LRP2: variants seen among roughly 807,000 people sequenced by gnomAD.
The protein encoded by LRP2 is low-density lipoprotein receptor-related protein 2.
Under a neutral mutation model 531.0 loss-of-function variants are expected in LRP2, and 172 were observed. The ratio of observed to expected loss-of-function variants is 0.32; its 90% confidence interval spans 0.29 to 0.37. LRP2 has a LOEUF of 0.37. Among genes scored for constraint, LRP2 ranks in the 10% least tolerant of loss-of-function variants. The pLI is 1.00. For missense variants in LRP2, 5,167 were observed against 5,868.3 expected, an observed-to-expected ratio of 0.88 and a Z score of 3.90; for synonymous variants, 1,992 against 2,027.6, an observed-to-expected ratio of 0.98 and a Z score of 0.47.
chr2:169,259,067 T>C lies in LRP2; in HGVS notation c.2471A>G (p.Tyr824Cys). 5 of 1,613,364 alleles carry C rather than the reference T, an allele frequency of 3.1e-6. No individual in the cohort carries two copies. Among genetic ancestry groups the C allele is most frequent in the Non-Finnish European group, 4.2e-6 (5 of 1,179,624 alleles). ...ADKTRRTVVQYLNNPRSVVVH... is the reference protein window; with the variant it reads ...ADKTRRTVVQCLNNPRSVVVH... ...TACCACCGACCGTGGGTTATTTAAATACTGAACTACTGTGCGTCTCGTTTT... is the reference window on the plus strand; with the variant it reads ...TACCACCGACCGTGGGTTATTTAAACACTGAACTACTGTGCGTCTCGTTTT... Residue 824 changes from tyrosine to cysteine, a missense_variant, in exon 17 of 79, where the codon TAT becomes TGT. Coordinates refer to ENST00000649046, the MANE Select transcript of LRP2 (RefSeq NM_004525.3).
In LRP2 at chr2:169,194,044, T is replaced by C. The variant is rs75505505; in HGVS notation, c.8699-152A>G. The C allele has an allele frequency of 9.3e-4, 760 of 820,774 alleles. 2 individuals carry two copies. The African/African-American group carries it at 0.012, about 13-fold the overall frequency. 50.8% of individuals were successfully genotyped at this position (820,774 alleles called of 1,614,324 possible). ...TAGGGTAGTCCTCCAATAAGACTAG[T>C]ACCAGCGACCAACAGTTTGAGGTAA... is the stretch of plus-strand genomic sequence containing the variant. On this transcript the variant is annotated intron_variant, in intron 46 of 78. Coordinates refer to ENST00000649046, the MANE Select transcript of LRP2 (RefSeq NM_004525.3).
chr2:169,201,216 A>G (rs1213229289), intron 44 of LRP2, among the ~76,000 whole-genome samples: 1 of 152,240 alleles, frequency 6.6e-6, no homozygotes, highest in Non-Finnish European at 1.5e-5. Flanking sequence ...AAGAATTATA[A>G]CAATCAAAAT....
In LRP2 at chr2:169,241,195, T is replaced by C; in HGVS notation, c.3838A>G (p.Asn1280Asp). 1.9e-6 allele frequency: 3 copies of C among 1,614,200 alleles called. No individual in the cohort carries two copies. The highest frequency in any genetic ancestry group is 2.5e-6 in the Non-Finnish European group (3 of 1,180,036). Reference sequence around the variant, plus strand: ...CATGCCCTGTGGATGCAGTTTCCGTTGTCACAGTGGAAATATGATGAAGGG... The same window carrying C: ...CATGCCCTGTGGATGCAGTTTCCGTCGTCACAGTGGAAATATGATGAAGGG... ...TCPSSYFHCD[N>D]GNCIHRAWLC... Residue 1280 changes from asparagine to aspartate, a missense_variant, in exon 25 of 79, where the codon AAC (asparagine) becomes GAC (aspartate). Physicochemically the swap from Asn to Asp is conservative, Grantham distance 23. Coordinates refer to ENST00000649046, the MANE Select transcript of LRP2 (RefSeq NM_004525.3).
chr2:169,142,870 T>C, intron 70 of LRP2, 77 bp from the exon 71 acceptor site: 1 of 1,562,728 alleles, frequency 6.4e-7, no homozygotes. Context: ...GAAGTGGCTC[T>C]GCCAGGTGAC....
Position 169,271,066 on chromosome 2 carries a change from G to T in LRP2, c.2158C>A (p.Arg720Ser), listed in dbSNP as rs1194431241. Residue 720 changes from arginine (R) to serine (S), a missense_variant, in exon 16 of 79, where the codon CGT becomes AGT. By Grantham distance (110) the Arg-to-Ser change is moderately radical. Around this residue, in one of 6 missense-constraint regions of LRP2, gnomAD observed 2,811 missense variants for 3,058.0 expected, o/e 0.92. Transcript: ENST00000649046. ...FLIFSSQVAIRGIPFTLSTQE... is the reference protein window; with the variant it reads ...FLIFSSQVAISGIPFTLSTQE... Reference sequence around the variant, plus strand: ...GTAGACAAGGTGAACGGGATCCCACGAATAGCAACTTGGGATGAAAAAATG... The same window carrying T: ...GTAGACAAGGTGAACGGGATCCCACTAATAGCAACTTGGGATGAAAAAATG... 6.2e-7 allele frequency: 1 copy of T among 1,612,904 alleles called. No homozygotes were observed. Among genetic ancestry groups the T allele is most frequent in the Admixed American group, 1.7e-5 (1 of 59,830 alleles).
At chr2:169,142,332 T>G (rs78691884) in intron 71 of LRP2, among the ~76,000 whole-genome samples, 22 of 152,294 alleles carry the variant, frequency 1.4e-4, no homozygotes, top group Non-Finnish European at 2.8e-4. Context: ...ACAATTAAGG[T>G]TGAGTGGATT....
chr2:169,145,740 TG>T lies in LRP2; in HGVS notation c.12988+6del. ...GAGGAGCATCTTATACCAAAGTTGG[TG>T]ATTACCTGACTTATTGTATCTGAGT... On this transcript the variant is annotated splice_donor_region_variant and intron_variant, in intron 70 of 78. Transcript: ENST00000649046. The T allele has an allele frequency of 6.2e-7, 1 of 1,613,918 alleles. No homozygotes were observed. Among genetic ancestry groups the T allele is most frequent in the South Asian group, 1.1e-5 (1 of 91,076 alleles).
At position 169,193,782 on chromosome 2, in the gene LRP2, C is replaced by T. The variant is rs746934443; in HGVS notation, c.8809G>A (p.Glu2937Lys). 7 of 1,614,182 alleles carry T rather than the reference C, an allele frequency of 4.3e-6. No homozygotes were observed. The highest frequency in any genetic ancestry group is 1.1e-5 in the South Asian group (1 of 91,080). Residue 2937 changes from glutamate (E) to lysine (K), a missense_variant, in exon 47 of 79, where the codon GAG becomes AAG. Physicochemically the swap from Glu to Lys is moderately conservative, Grantham distance 56. Coordinates refer to ENST00000649046, the MANE Select transcript of LRP2 (RefSeq NM_004525.3). The part of the protein sequence containing the change: ...GDNDCGDMSD[E>K]DKRHQCQNQN... ...TTACGACACTGGTGCCTTTTATCCT[C>T]GTCACTCATATCCCCACAGTCATTA...
chr2:169,218,847 T>C (rs1342698838), intron 34 of LRP2, among the ~76,000 whole-genome samples: 2 of 152,198 alleles, frequency 1.3e-5, no homozygotes, highest in Non-Finnish European at 2.9e-5. Flanking sequence ...CTACTGAAGA[T>C]GGCAGAGCAT....
intron 1 of LRP2, among the ~76,000 whole-genome samples, chr2:169,326,614 T>G (rs1310843753): frequency 1.3e-5 from 2 of 152,124 alleles, no homozygotes; most frequent in African/African-American, 4.8e-5. Context: ...AGTGCCGAGA[T>G]TGCAGCCTCT....
chr2:169,269,871 ATATCCAGAATC>A (rs1398301140), intron 16 of LRP2, among the ~76,000 whole-genome samples: 1 of 152,240 alleles, frequency 6.6e-6, no homozygotes, highest in Non-Finnish European at 1.5e-5. Context: ...CAAAGGGCTA[ATATCCAGAATC>A]TACAAAGAAC....
rs777958698 is a variant in LRP2, at chr2:169,145,855, C to T, written c.12880G>A (p.Val4294Ile). The T allele has an allele frequency of 3.1e-6, 5 of 1,613,976 alleles. No individual in the cohort carries two copies. Among genetic ancestry groups the T allele is most frequent in the Non-Finnish European group, 4.2e-6 (5 of 1,179,984 alleles). Residue 4294 changes from valine to isoleucine, a missense_variant, in exon 70 of 79, where the codon GTA becomes ATA. Transcript: ENST00000649046. ...TGCCCAAATTTATTTTGTTTCCATA[C>T]TTCTCCCTTTTCCTTAGATATCCAG... ...LYWISKEKGE[V>I]WKQNKFGQGK... is the part of the protein sequence containing the mutation.
At chr2:169,288,642 C>G (rs2105463875) in intron 9 of LRP2, among the ~76,000 whole-genome samples, 1 of 152,290 alleles carries the variant, frequency 6.6e-6, no homozygotes, top group South Asian at 2.1e-4. Flanking sequence ...GGTAGCGGTG[C>G]TTGCTGGGCT....
chr2:169,291,035 G>C, intron 7 of LRP2, 38 bp from the exon 8 acceptor site: 1 of 1,602,138 alleles, frequency 6.2e-7, no homozygotes, highest in Non-Finnish European at 8.5e-7. Flanking sequence ...GGCCATAGGG[G>C]AGGTACAGCC....
At chr2:169,257,004 T>C (rs771878114) in intron 18 of LRP2, 120 bp downstream of exon 18, 183 of 1,158,186 alleles carry the variant, frequency 1.6e-4, no homozygotes, top group Middle Eastern at 4.8e-4. Flanking sequence ...ATTAATTATT[T>C]AAAATTCCGC....
chr2:169,259,117 A>G lies in LRP2; in HGVS notation c.2421T>C (p.Ser807=), dbSNP rs916603280. Residue 807 remains serine, a synonymous_variant, in exon 17 of 79, where the codon AGT becomes AGC. Transcript: ENST00000649046. Reference sequence around the variant, plus strand: ...TATCAGCTAGCCTCATGACACTGATACTCTTGTAATGAGAGTCTGTCCAAT... The same window carrying G: ...TATCAGCTAGCCTCATGACACTGATGCTCTTGTAATGAGAGTCTGTCCAAT... ...NLYWTDSHYK[S]ISVMRLADKT... is the part of the protein sequence containing the mutation. The G allele has an allele frequency of 1.9e-6, 3 of 1,613,226 alleles. No homozygotes were observed. The highest frequency in any genetic ancestry group is 1.7e-6 in the Non-Finnish European group (2 of 1,179,444).
At chr2:169,304,095 G>A (rs1255491563) in intron 4 of LRP2, among the ~76,000 whole-genome samples, 1 of 152,172 alleles carries the variant, frequency 6.6e-6, no homozygotes, top group Non-Finnish European at 1.5e-5. Flanking sequence ...AGTCTTGGCT[G>A]CAAACATTCT....
intron 34 of LRP2, 55 bp downstream of exon 34, chr2:169,220,399 G>T: frequency 7.7e-7 from 1 of 1,290,694 alleles, no homozygotes; most frequent in South Asian, 1.2e-5. Context: ...GTCAGACCCT[G>T]ACATTAACAA....
chr2:169,221,692 AT>A (rs1234129876), intron 33 of LRP2, among the ~76,000 whole-genome samples: 1 of 148,890 alleles, frequency 6.7e-6, no homozygotes, highest in Non-Finnish European at 1.5e-5. Context: ...ACACGCACAC[AT>A]ACACACACAC....
Sources: allele counts gnomAD v4.1 joint callset (sites outside exome capture counted in the v4.1 genomes callset), GRCh38; gene constraint gnomAD v4.1.1; regional missense constraint gnomAD v4.1.1; transcripts MANE v1.5; gene names NCBI Gene and HGNC (gene_info 2026-07-23, HGNC 2026-07-21).